The following N4BP3 variants were observed in gnomAD, a reference collection of about 807,000 sequenced individuals.
The protein encoded by N4BP3 is NEDD4-binding protein 3.
Under a neutral mutation model 43.8 loss-of-function variants are expected in N4BP3, and 33 were observed. That is an observed-to-expected ratio of 0.75 (90% CI 0.57 to 1.01). The LOEUF is 1.01. Ranked by LOEUF, N4BP3 falls within the 50% of genes least tolerant of loss-of-function variation. The pLI, the probability that N4BP3 is intolerant of heterozygous loss-of-function variation, is 0.00. For missense variants in N4BP3, 756 were observed against 744.2 expected (o/e 1.02, Z -0.18); for synonymous variants, 326 against 321.9 (o/e 1.01, Z -0.14).
In N4BP3 at chr5:178,121,849, G is replaced by C. The variant is rs1394617128; in HGVS notation, c.1483G>C (p.Glu495Gln). Residue 495 changes from glutamate to glutamine, a missense_variant, in exon 5 of 5, where the codon GAG becomes CAG. Coordinates refer to ENST00000274605, the MANE Select transcript of N4BP3 (RefSeq NM_015111.2). ...TGAGCAGGAGCGGCGGACTTGGCAG[G>C]AGGAGAAGGAGCGCGTGCTGCGCTA... ...RFEQERRTWQ[E>Q]EKERVLRYQR... 1 of 1,608,158 alleles carries C rather than the reference G, an allele frequency of 6.2e-7. No individual in the cohort carries two copies. Among genetic ancestry groups the C allele is most frequent in the South Asian group, 1.1e-5 (1 of 90,704 alleles).
At chr5:178,120,759 A>C (rs573983554) in intron 3 of N4BP3, 60 bp downstream of exon 3, 1 of 1,482,512 alleles carries the variant, frequency 6.7e-7, no homozygotes, top group African/African-American at 1.4e-5. Context: ...TACAGGCCAG[A>C]GAGAGGGGCC....
chr5:178,119,636 T>C lies in N4BP3; in HGVS notation c.53T>C (p.Leu18Pro). 1 of 1,583,932 alleles carries C rather than the reference T, an allele frequency of 6.3e-7. No individual in the cohort carries two copies. ...AGIAMGSVGS[L>P]LERQDFSPEE... ...ATTGCCATGGGCAGCGTGGGCAGCC[T>C]GTTGGAACGGCAGGACTTCTCCCCT... Residue 18 changes from leucine (L) to proline (P), a missense_variant, in exon 2 of 5, where the codon CTG (leucine) becomes CCG (proline). Leu to Pro is a moderately conservative substitution (Grantham distance 98). Coordinates refer to ENST00000274605, the MANE Select transcript of N4BP3 (RefSeq NM_015111.2).
At position 178,124,993 on chromosome 5, in the gene N4BP3, A is replaced by C. The variant is rs1758024292; in HGVS notation, c.*2992A>C. The C allele has an allele frequency of 6.6e-6, 1 of 152,300 alleles. No homozygotes were observed. The highest frequency in any genetic ancestry group is 2.4e-5 in the African/African-American group (1 of 41,462). 9.4% of individuals were successfully genotyped at this position (152,300 alleles called of 1,614,324 possible). ...AGGGTGGTGTCTTCACCACAGCTCC[A>C]GAAGGCACTGGTGGGATGTGGAGTC... On this transcript the variant is annotated 3_prime_UTR_variant, in exon 5 of 5. Coordinates refer to ENST00000274605, the MANE Select transcript of N4BP3 (RefSeq NM_015111.2).
rs139864063 is a variant in N4BP3 at position 178,120,800 on chromosome 5, CAA to C, written c.852+102_852+103del. On this transcript the variant is annotated intron_variant, in intron 3 of 4. Coordinates refer to ENST00000274605, the MANE Select transcript of N4BP3 (RefSeq NM_015111.2). ...CAGTTCACCCACGTGGCCGTGGACA[CAA>C]GAGAGCAAGAAAGGGGGAGCTGGCT... is the stretch of plus-strand genomic sequence containing the variant. 180 of 1,403,192 alleles carry C rather than the reference CAA, an allele frequency of 1.3e-4. 1 individual carries two copies. In the East Asian group the frequency reaches 2.0e-3, roughly 16 times the overall value. 86.9% of individuals were successfully genotyped at this position (1,403,192 alleles called of 1,614,324 possible).
chr5:178,126,572 G>T (rs567352231), downstream of N4BP3, among the ~76,000 whole-genome samples: 20 of 152,190 alleles, frequency 1.3e-4, no homozygotes, highest in Non-Finnish European at 2.4e-4. Flanking sequence ...TGAAGCTGTG[G>T]GAGGCTGAAT....
Position 178,120,207 on chromosome 5 carries a change from T to C in N4BP3, c.360T>C (p.Pro120=). The change falls in exon 3 of 5, where the codon CCT becomes CCC. Residue 120 remains proline (P), a synonymous_variant. Transcript: ENST00000274605. ...KCRIRPSVFK[P]TAGNGKGFLS... ...GCATTCGCCCCTCAGTGTTCAAGCCTACGGCGGGCAACGGGAAAGGCTTCC... is the reference window on the plus strand; with the variant it reads ...GCATTCGCCCCTCAGTGTTCAAGCCCACGGCGGGCAACGGGAAAGGCTTCC... 1 of 1,589,638 alleles carries C rather than the reference T, an allele frequency of 6.3e-7. No individual in the cohort carries two copies. The highest frequency in any genetic ancestry group is 8.6e-7 in the Non-Finnish European group (1 of 1,164,714).
rs1350780812 is a variant in N4BP3, at chr5:178,121,739, G to A, written c.1373G>A (p.Gly458Asp). 2 of 1,608,088 alleles carry A rather than the reference G, an allele frequency of 1.2e-6. No individual in the cohort carries two copies. Among genetic ancestry groups the A allele is most frequent in the African/African-American group, 2.7e-5 (2 of 75,050 alleles). Residue 458 changes from glycine (G) to aspartate (D), a missense_variant, in exon 5 of 5, where the codon GGC (glycine) becomes GAC (aspartate). Transcript: ENST00000274605. ...AGGGGCCTGCTAGGGGAGGCAGGAGGCAGCGAGGCCAGAGACAGTGCTGAG... is the reference window on the plus strand; with the variant it reads ...AGGGGCCTGCTAGGGGAGGCAGGAGACAGCGAGGCCAGAGACAGTGCTGAG... ...KSRGLLGEAG[G>D]SEARDSAEQL...
Position 178,121,923 on chromosome 5 carries a change from G to A in N4BP3, c.1557G>A (p.Gln519=), listed in dbSNP as rs1331726244. 1.2e-6 allele frequency: 2 copies of A among 1,612,226 alleles called. No individual in the cohort carries two copies. The highest frequency in any genetic ancestry group is 2.7e-5 in the African/African-American group (2 of 74,926). The stretch of plus-strand genomic sequence containing the variant: ...ACATGGACATGTACCGCCGCAACCA[G>A]GCACTGGAGCAGGAACTGCGGGCAC... ...GGYMDMYRRN[Q]ALEQELRALR... is the part of the protein sequence containing the mutation. The change falls in exon 5 of 5, where the codon CAG becomes CAA. Residue 519 remains glutamine (Q), a synonymous_variant. Transcript: ENST00000274605.
At chr5:178,114,395 G>A (rs1200899287) in intron 1 of N4BP3, among the ~76,000 whole-genome samples, 1 of 152,216 alleles carries the variant, frequency 6.6e-6, no homozygotes, top group Non-Finnish European at 1.5e-5. Context: ...GCAGCTGCGG[G>A]TCTGCGGGTA....
chr5:178,120,000 G>T lies in N4BP3; in HGVS notation c.330+87G>T. The T allele has an allele frequency of 2.0e-6, 3 of 1,482,278 alleles. No individual in the cohort carries two copies. The South Asian group carries it at 4.0e-5, about 20-fold the overall frequency. The allele number at this position is 1,482,278 out of a possible 1,614,324, so 91.8% of individuals were successfully genotyped here. A position where few individuals can be genotyped will look rare whatever the true frequency, so the allele number is the denominator to read the frequency against. ...GATGTTGGGATGGGGTGGGGACGGGGCATGCTGAGATACGAAAATCGTGCT... is the reference window on the plus strand; with the variant it reads ...GATGTTGGGATGGGGTGGGGACGGGTCATGCTGAGATACGAAAATCGTGCT... On this transcript the variant is annotated intron_variant, in intron 2 of 4. Coordinates refer to ENST00000274605, the MANE Select transcript of N4BP3 (RefSeq NM_015111.2).
In N4BP3 at chr5:178,122,141, CA is replaced by C; in HGVS notation, c.*141del. 1 of 1,123,486 alleles carries C rather than the reference CA, an allele frequency of 8.9e-7. No individual in the cohort carries two copies. The highest frequency in any genetic ancestry group is 1.2e-6 in the Non-Finnish European group (1 of 818,102). 69.6% of individuals were successfully genotyped at this position (1,123,486 alleles called of 1,614,324 possible). The stretch of plus-strand genomic sequence containing the variant: ...GGGAGGCGCAAGGAGAGGAGGGATC[CA>C]GTGGGGCCGTGGGCTGGGTAGGGTG... On this transcript the variant is annotated 3_prime_UTR_variant, in exon 5 of 5. Transcript: ENST00000274605.
chr5:178,121,160 G>A lies in N4BP3; in HGVS notation c.915G>A (p.Leu305=). The A allele has an allele frequency of 1.2e-6, 2 of 1,600,904 alleles. No homozygotes were observed. Among genetic ancestry groups the A allele is most frequent in the Non-Finnish European group, 1.7e-6 (2 of 1,178,494 alleles). Residue 305 remains leucine, a synonymous_variant, in exon 4 of 5, where the codon CTG becomes CTA. Transcript: ENST00000274605. Reference sequence around the variant, plus strand: ...TGAAGCGCCTGTATGTGGAGCGGCTGCACGAGGTGACCCAGAAGGCTGAGC... The same window carrying A: ...TGAAGCGCCTGTATGTGGAGCGGCTACACGAGGTGACCCAGAAGGCTGAGC... ...AELKRLYVER[L]HEVTQKAERS...
At position 178,119,701 on chromosome 5, in the gene N4BP3, C is replaced by T. The variant is rs151325105; in HGVS notation, c.118C>T (p.Arg40Cys). Residue 40 changes from arginine (R) to cysteine (C), a missense_variant, in exon 2 of 5, where the codon CGC becomes TGC. Transcript: ENST00000274605. ...GGCACTTGCCGGGTCTCGGGGCTCC[C>T]GCCAGCCTGATGGGCTCCTCCGGAA... Reference protein sequence around the residue: ...RAALAGSRGSRQPDGLLRKGL... With the variant: ...RAALAGSRGSCQPDGLLRKGL... 51 of 1,612,758 alleles carry T rather than the reference C, an allele frequency of 3.2e-5. No homozygotes were observed. Among genetic ancestry groups the T allele is most frequent in the South Asian group, 4.4e-5 (4 of 91,062 alleles).
intron 1 of N4BP3, among the ~76,000 whole-genome samples, chr5:178,115,602 C>T (rs748755522): frequency 1.3e-5 from 2 of 152,226 alleles, no homozygotes; most frequent in South Asian, 2.1e-4. Flanking sequence ...TGCGGCTGAA[C>T]GTGACCTTAG....
At chr5:178,126,500 A>C (rs1479101895), downstream of N4BP3, among the ~76,000 whole-genome samples, 1 of 152,144 alleles carries the variant, frequency 6.6e-6, no homozygotes, top group Admixed American at 6.6e-5. Context: ...TATTGAGTTA[A>C]ATTTTAAAAA....
chr5:178,122,066 C>T lies in N4BP3; in HGVS notation c.*65C>T, dbSNP rs1757945697. On this transcript the variant is annotated 3_prime_UTR_variant, in exon 5 of 5. Coordinates refer to ENST00000274605, the MANE Select transcript of N4BP3 (RefSeq NM_015111.2). ...GGTGCCCTGAGACGGCCGGCTCAGC[C>T]TTCCCTTGCACTGGTTGGGGTGGAA... 5 of 1,491,578 alleles carry T rather than the reference C, an allele frequency of 3.4e-6. No individual in the cohort carries two copies. In the South Asian group the frequency reaches 5.4e-5, roughly 16 times the overall value. The allele number at this position is 1,491,578 out of a possible 1,614,324, so 92.4% of individuals were successfully genotyped here.
rs1757887523 is a variant in N4BP3, at chr5:178,120,380, A to G, written c.533A>G (p.Asp178Gly). Residue 178 changes from aspartate to glycine, a missense_variant, in exon 3 of 5, where the codon GAT becomes GGT. Transcript: ENST00000274605. ...RAQLLHALSL[D>G]EGGPEPEPSL... ...CAGCTGCTGCACGCCCTCAGCCTAG[A>G]TGAGGGCGGCCCTGAGCCCGAGCCC... 1 of 1,612,322 alleles carries G rather than the reference A, an allele frequency of 6.2e-7. No homozygotes were observed. Among genetic ancestry groups the G allele is most frequent in the South Asian group, 1.1e-5 (1 of 91,070 alleles).
intron 1 of N4BP3, 116 bp from the exon 2 acceptor site, chr5:178,119,438 C>G: frequency 1.5e-6 from 1 of 688,514 alleles, no homozygotes; most frequent in Non-Finnish European, 2.4e-6. Context: ...ATCTGCCTTA[C>G]CTGGGCCTGG....
At chr5:178,126,414 G>A (rs550855976), downstream of N4BP3, among the ~76,000 whole-genome samples, 2 of 152,038 alleles carry the variant, frequency 1.3e-5, no homozygotes, top group South Asian at 4.1e-4. Context: ...TCCTAACCTC[G>A]TGATCCACCC....
Sources: allele counts gnomAD v4.1 joint callset (sites outside exome capture counted in the v4.1 genomes callset), GRCh38; gene constraint gnomAD v4.1.1; transcripts MANE v1.5; gene names NCBI Gene and HGNC (gene_info 2026-07-23, HGNC 2026-07-21).